Variants in PSMB7 observed in about 807,000 individuals in gnomAD.
The protein encoded by PSMB7 is proteasome 20S subunit beta 7.
A neutral mutation model predicts 28.1 loss-of-function variants in PSMB7; 5 were observed. The observed-to-expected ratio is 0.18, with a 90% CI of 0.09 to 0.37. The LOEUF (loss-of-function observed/expected upper bound fraction) is 0.37. PSMB7 is among the 10% of genes least tolerant of loss of function. The pLI, the probability that PSMB7 is intolerant of heterozygous loss-of-function variation, is 1.00. For missense variants in PSMB7, 275 were observed against 346.2 expected (o/e 0.79, Z 1.63); for synonymous variants, 122 against 123.7 (o/e 0.99, Z 0.09).
In PSMB7 at chr9:124,356,839, A is replaced by G. The variant is rs766556723; in HGVS notation, c.647T>C (p.Ile216Thr). The change falls in exon 7 of 8, where the codon ATT becomes ACT. Residue 216 changes from isoleucine to threonine, a missense_variant. Ile to Thr is a moderately conservative substitution (Grantham distance 89). Transcript: ENST00000259457. This position sits in a 1 kb window ranked among gnomAD's most constrained non-coding sequence, Gnocchi z 4.4. ...GTTCTTGCTGATGACGCAGAGGTCA[A>G]TGTTGCTTCCGGAGCCCAGGTCGTT... ...IFNDLGSGSN[I>T]DLCVISKNKL... The G allele has an allele frequency of 4.7e-5, 76 of 1,614,048 alleles. No homozygotes were observed. Among genetic ancestry groups the G allele is most frequent in the African/African-American group, 9.3e-5 (7 of 74,928 alleles).
At chr9:124,389,816 T>A (rs1386000044) in intron 5 of PSMB7, among the ~76,000 whole-genome samples, 3 of 152,168 alleles carry the variant, frequency 2.0e-5, no homozygotes, top group Non-Finnish European at 4.4e-5. Context: ...GTCACCCACA[T>A]CTGCTGCGCC....
chr9:124,356,934 G>A lies in PSMB7; in HGVS notation c.571-19C>T. 1 of 1,613,680 alleles carries A rather than the reference G, an allele frequency of 6.2e-7. No homozygotes were observed. The highest frequency in any genetic ancestry group is 8.5e-7 in the Non-Finnish European group (1 of 1,179,702). ...CCTCCTCCTGAGAAACAGAACGGCGGCAATAATGTCCCCGGCCAAACTAGG... is the reference window on the plus strand; with the variant it reads ...CCTCCTCCTGAGAAACAGAACGGCGACAATAATGTCCCCGGCCAAACTAGG... On this transcript the variant is annotated intron_variant, in intron 6 of 7. Coordinates refer to ENST00000259457, the MANE Select transcript of PSMB7 (RefSeq NM_002799.4). The surrounding 1 kb of genome is among the most constrained non-coding windows in gnomAD (Gnocchi z 4.4).
At chr9:124,361,581 G>A (rs2131143587) in intron 6 of PSMB7, among the ~76,000 whole-genome samples, 2 of 152,320 alleles carry the variant, frequency 1.3e-5, no homozygotes, top group East Asian at 3.9e-4. Flanking sequence ...ATGGGCGATT[G>A]TCTGCATTTA....
At chr9:124,383,941 T>C (rs1207373009) in intron 6 of PSMB7, 1 of 152,278 alleles carries the variant, frequency 6.6e-6, no homozygotes, top group Non-Finnish European at 1.5e-5. Flanking sequence ...GGAAGAGCTG[T>C]GCATTTGTCC....
At chr9:124,377,496 AAC>A (rs914278937) in intron 6 of PSMB7, among the ~76,000 whole-genome samples, 5 of 152,248 alleles carry the variant, frequency 3.3e-5, no homozygotes, top group Non-Finnish European at 5.9e-5. Context: ...TTACAAAAAA[AAC>A]ACACACACAG....
At chr9:124,379,209 C>A (rs1302098627) in intron 6 of PSMB7, among the ~76,000 whole-genome samples, 1 of 152,192 alleles carries the variant, frequency 6.6e-6, no homozygotes, top group Non-Finnish European at 1.5e-5. Flanking sequence ...CCTTCATTTC[C>A]ATCACAGCTA....
intron 4 of PSMB7, 76 bp downstream of exon 4, chr9:124,412,276 C>A: frequency 7.0e-7 from 1 of 1,429,118 alleles, no homozygotes. Flanking sequence ...TGCTACTTTC[C>A]AGGCTTCTCT....
Position 124,384,666 on chromosome 9 carries a change from A to G in PSMB7, c.512-10T>C. 1 of 1,613,370 alleles carries G rather than the reference A, an allele frequency of 6.2e-7. No homozygotes were observed. The highest frequency in any genetic ancestry group is 8.5e-7 in the Non-Finnish European group (1 of 1,179,662). On this transcript the variant is annotated splice_polypyrimidine_tract_variant and intron_variant, in intron 5 of 7. Coordinates refer to ENST00000259457, the MANE Select transcript of PSMB7 (RefSeq NM_002799.4). Reference sequence around the variant, plus strand: ...GCCAAGGAGCCAGAACCTGCAAGAAAAAGGTGCACTTTTAGTGTATTTTAT... The same window carrying G: ...GCCAAGGAGCCAGAACCTGCAAGAAGAAGGTGCACTTTTAGTGTATTTTAT...
At chr9:124,377,087 G>A (rs1201311163) in intron 6 of PSMB7, among the ~76,000 whole-genome samples, 1 of 152,132 alleles carries the variant, frequency 6.6e-6, no homozygotes. Flanking sequence ...TGCGATGTTT[G>A]TATCCTACTA....
At chr9:124,382,183 G>GTC (rs1204790738) in intron 6 of PSMB7, among the ~76,000 whole-genome samples, 22 of 133,040 alleles carry the variant, frequency 1.7e-4, no homozygotes, top group Non-Finnish European at 3.0e-4. Context: ...GTGAGACTCT[G>GTC]TCTCTCTCTC....
chr9:124,375,336 G>GT (rs907516698), intron 6 of PSMB7, among the ~76,000 whole-genome samples: 159 of 151,654 alleles, frequency 1.0e-3, no homozygotes, highest in African/African-American at 2.9e-3. Flanking sequence ...AATTTTTTCT[G>GT]TTTTTTTTGT....
At chr9:124,368,713 T>C (rs192597444) in intron 6 of PSMB7, among the ~76,000 whole-genome samples, 21 of 152,372 alleles carry the variant, frequency 1.4e-4, no homozygotes, top group Admixed American at 1.2e-3. Context: ...TAATTTTCTT[T>C]GAAAGTTTCA....
intron 6 of PSMB7, among the ~76,000 whole-genome samples, chr9:124,359,652 C>CTG (rs1284537267): frequency 1.3e-5 from 2 of 152,222 alleles, no homozygotes; most frequent in Non-Finnish European, 2.9e-5. Context: ...TGACTCAAGG[C>CTG]TGTGTCATTC....
At chr9:124,382,537 A>AT (rs906301652) in intron 6 of PSMB7, among the ~76,000 whole-genome samples, 1 of 152,100 alleles carries the variant, frequency 6.6e-6, no homozygotes, top group African/African-American at 2.4e-5. Flanking sequence ...AAATAAAGTG[A>AT]TTTTCACTGA....
chr9:124,354,608 C>A (rs1484919448), intron 7 of PSMB7, among the ~76,000 whole-genome samples: 1 of 152,186 alleles, frequency 6.6e-6, no homozygotes, highest in African/African-American at 2.4e-5. Context: ...AGTTCTGCAT[C>A]CAGGTCAGGA....
At chr9:124,392,459 G>T (rs967309979) in intron 5 of PSMB7, among the ~76,000 whole-genome samples, 25 of 152,194 alleles carry the variant, frequency 1.6e-4, no homozygotes, top group Admixed American at 6.5e-5. Context: ...GGAAACCGAG[G>T]GGCACAGCAG....
At chr9:124,396,787 T>C (rs1485233671) in intron 5 of PSMB7, 1 of 471,336 alleles carries the variant, frequency 2.1e-6, no homozygotes, top group Non-Finnish European at 4.4e-6. Flanking sequence ...GCCAAGCTAA[T>C]AGCAAAAGAT....
chr9:124,371,391 C>A (rs1187113438), intron 6 of PSMB7, among the ~76,000 whole-genome samples: 136 of 152,324 alleles, frequency 8.9e-4, no homozygotes, highest in Non-Finnish European at 1.4e-3. Context: ...CCACAGACGA[C>A]CTCTTGGATT....
Position 124,406,382 on chromosome 9 carries a change from G to C in PSMB7, c.396-950C>G, listed in dbSNP as rs149370438. ...CAAGGCATGGTGGCATGTACCTGTA[G>C]TCCCAGATACTTGGGAGGCTAAGGT... On this transcript the variant is annotated intron_variant, in intron 4 of 7. Transcript: ENST00000259457. Among the ~76,000 whole-genome samples, 469 of 151,490 alleles carry C rather than the reference G, an allele frequency of 3.1e-3. 2 individuals carry two copies. The highest frequency in any genetic ancestry group is 0.011 in the African/African-American group (451 of 41,262).
Sources: allele counts gnomAD v4.1 joint callset (sites outside exome capture counted in the v4.1 genomes callset), GRCh38; gene constraint gnomAD v4.1.1; non-coding constraint Gnocchi (gnomAD v3.1); transcripts MANE v1.5; gene names NCBI Gene and HGNC (gene_info 2026-07-23, HGNC 2026-07-21).